Variants in FBXL7 observed in about 807,000 individuals in gnomAD.
The protein encoded by FBXL7 is F-box and leucine rich repeat protein 7.
A neutral mutation model predicts 38.3 loss-of-function variants in FBXL7; 12 were observed. That is an observed-to-expected ratio of 0.31 (90% CI 0.20 to 0.51). The LOEUF (loss-of-function observed/expected upper bound fraction) is 0.51, where lower values mean the gene tolerates loss of function less well. Ranked by LOEUF, FBXL7 falls within the 20% of genes least tolerant of loss-of-function variation. The pLI is 0.98. For missense variants in FBXL7, 567 were observed against 676.4 expected (o/e 0.84, Z 1.79); for synonymous variants, 297 against 300.9 (o/e 0.99, Z 0.13).
At chr5:15,784,880 A>G (rs1737092935) in intron 2 of FBXL7, among the ~76,000 whole-genome samples, 1 of 152,210 alleles carries the variant, frequency 6.6e-6, no homozygotes, top group Non-Finnish European at 1.5e-5. Context: ...CCTAGCACAC[A>G]CACGCACAAA....
intron 1 of FBXL7, among the ~76,000 whole-genome samples, chr5:15,612,117 A>G (rs1740260043): frequency 6.6e-6 from 1 of 152,182 alleles, no homozygotes; most frequent in Non-Finnish European, 1.5e-5. Context: ...AGGGGACACA[A>G]TCCACCCCCC....
chr5:15,714,955 G>A (rs1174059496), intron 2 of FBXL7, among the ~76,000 whole-genome samples: 1 of 151,950 alleles, frequency 6.6e-6, no homozygotes, highest in Non-Finnish European at 1.5e-5. Flanking sequence ...TGGAACAGGG[G>A]CCACAAACCA....
At chr5:15,760,011 A>C (rs571474750) in intron 2 of FBXL7, among the ~76,000 whole-genome samples, 1 of 152,166 alleles carries the variant, frequency 6.6e-6, no homozygotes, top group Non-Finnish European at 1.5e-5. Flanking sequence ...GAACCATTCC[A>C]TTTCAAAGCC....
chr5:15,621,410 T>C (rs755151037), intron 2 of FBXL7, among the ~76,000 whole-genome samples: 5 of 152,226 alleles, frequency 3.3e-5, no homozygotes, highest in Non-Finnish European at 7.3e-5. Context: ...TTCTCTTTCA[T>C]ATTTTTCAGT....
At chr5:15,839,579 G>A (rs771324488) in intron 2 of FBXL7, among the ~76,000 whole-genome samples, 11 of 151,940 alleles carry the variant, frequency 7.2e-5, no homozygotes, top group Non-Finnish European at 1.5e-4. Flanking sequence ...AATGAATGGT[G>A]AAATGAATAT....
chr5:15,826,499 A>C (rs904747545), intron 2 of FBXL7, among the ~76,000 whole-genome samples: 11 of 151,944 alleles, frequency 7.2e-5, no homozygotes, highest in Admixed American at 5.9e-4. Context: ...GCTCACTGCA[A>C]CCTCCACCTC....
intron 2 of FBXL7, among the ~76,000 whole-genome samples, chr5:15,861,343 G>A (rs1170407356): frequency 1.3e-5 from 2 of 152,206 alleles, no homozygotes; most frequent in Admixed American, 6.5e-5. Flanking sequence ...CAAACTAGAA[G>A]GCAGAAAGCA....
chr5:15,528,093 G>A (rs1322915390), intron 1 of FBXL7, among the ~76,000 whole-genome samples: 1 of 152,124 alleles, frequency 6.6e-6, no homozygotes. Flanking sequence ...TCGAGTAAAT[G>A]TTTCCCTTTC....
intron 1 of FBXL7, among the ~76,000 whole-genome samples, chr5:15,523,587 T>C: frequency 6.6e-6 from 1 of 151,864 alleles, no homozygotes; most frequent in South Asian, 2.1e-4. Flanking sequence ...CATAGTAGCT[T>C]GGAGGTGAGC....
intron 2 of FBXL7, among the ~76,000 whole-genome samples, chr5:15,703,494 A>G (rs1439520363): frequency 6.6e-6 from 1 of 152,246 alleles, no homozygotes; most frequent in African/African-American, 2.4e-5. Context: ...TCTGCTAATG[A>G]AGCAAAAATA....
chr5:15,721,901 C>T (rs1410541320), intron 2 of FBXL7, among the ~76,000 whole-genome samples: 2 of 152,146 alleles, frequency 1.3e-5, no homozygotes, highest in Admixed American at 6.5e-5. Flanking sequence ...GTGGCACGAT[C>T]TCAGCTCACT....
intron 2 of FBXL7, among the ~76,000 whole-genome samples, chr5:15,784,569 G>A (rs1029129087): frequency 9.2e-5 from 14 of 152,038 alleles, no homozygotes; most frequent in Non-Finnish European, 1.9e-4. Context: ...GAGGTGGGTC[G>A]GGGGGCGGGG....
intron 1 of FBXL7, among the ~76,000 whole-genome samples, chr5:15,611,970 G>T (rs993374749): frequency 2.0e-5 from 3 of 151,198 alleles, no homozygotes; most frequent in Non-Finnish European, 4.4e-5. Flanking sequence ...AACAGAGTGA[G>T]ACACCATTTC....
At chr5:15,591,453 A>G (rs1404134965) in intron 1 of FBXL7, among the ~76,000 whole-genome samples, 1 of 151,844 alleles carries the variant, frequency 6.6e-6, no homozygotes, top group African/African-American at 2.4e-5. Flanking sequence ...AGACTGGAGA[A>G]TTTTACCATG....
intron 2 of FBXL7, among the ~76,000 whole-genome samples, chr5:15,761,496 G>T (rs532341914): frequency 1.3e-5 from 2 of 152,194 alleles, no homozygotes; most frequent in South Asian, 4.2e-4. Context: ...TTATTTATTT[G>T]CCTTTTTTCC....
intron 2 of FBXL7, among the ~76,000 whole-genome samples, chr5:15,746,449 G>A (rs1736015887): frequency 2.0e-5 from 3 of 152,130 alleles, no homozygotes; most frequent in Admixed American, 6.5e-5. Context: ...TGGAGGCTGA[G>A]AAGTCCAAGA....
intron 1 of FBXL7, among the ~76,000 whole-genome samples, chr5:15,566,633 A>G (rs57630623): frequency 6.6e-6 from 1 of 152,180 alleles, no homozygotes; most frequent in Non-Finnish European, 1.5e-5. Flanking sequence ...TACACATTTC[A>G]TACAAGAAGC....
intron 2 of FBXL7, among the ~76,000 whole-genome samples, chr5:15,847,193 AT>A (rs1738932953): frequency 6.6e-6 from 1 of 152,178 alleles, no homozygotes; most frequent in South Asian, 2.1e-4. Flanking sequence ...AGACTGGGTA[AT>A]TTATAAAGGA....
rs369077997 is a variant in FBXL7 at position 15,871,637 on chromosome 5, C to T, written c.128-56253C>T. 5.9e-5 allele frequency among the ~76,000 whole-genome samples: 9 copies of T among 152,158 alleles called. No individual in the cohort carries two copies. In the South Asian group the frequency reaches 6.2e-4, roughly 11 times the overall value. On this transcript the variant is annotated intron_variant, in intron 2 of 3. Coordinates refer to ENST00000504595, the MANE Select transcript of FBXL7 (RefSeq NM_012304.5). ...CCTGATGGAGCTGAAAAACACAGCA[C>T]GAGAACTTCGTGGAGCATACACAAG...
Sources: gnomAD v4.1 joint callset for allele counts (sites outside exome capture counted in the v4.1 genomes callset) on GRCh38, gnomAD v4.1.1 for gene constraint, MANE v1.5 for transcripts, NCBI Gene and HGNC (gene_info 2026-07-23, HGNC 2026-07-21) for gene names.